DPP8: variants seen among roughly 807,000 people sequenced by gnomAD.
DPP8 encodes dipeptidyl peptidase 8.
DPP8 carries 31 observed loss-of-function variants against 107.5 expected under a neutral mutation model. That is an observed-to-expected ratio of 0.29 (90% CI 0.22 to 0.39). The LOEUF (loss-of-function observed/expected upper bound fraction) is 0.39. Among genes scored for constraint, DPP8 ranks in the 10% least tolerant of loss-of-function variants. DPP8 has a pLI of 1.00. For missense variants in DPP8, 842 were observed against 1,076.1 expected, an observed-to-expected ratio of 0.78 and a Z score of 3.04; for synonymous variants, 381 against 356.6, an observed-to-expected ratio of 1.07 and a Z score of -0.77.
At chr15:65,448,128 T>A (rs1187684233) in intron 19 of DPP8, among the ~76,000 whole-genome samples, 1 of 152,134 alleles carries the variant, frequency 6.6e-6, no homozygotes, top group Admixed American at 6.6e-5. Flanking sequence ...CCATTCCCTG[T>A]AGTCTCAGCT....
chr15:65,460,484 T>G (rs1169981937), intron 15 of DPP8, among the ~76,000 whole-genome samples: 1 of 151,980 alleles, frequency 6.6e-6, no homozygotes, highest in Non-Finnish European at 1.5e-5. Context: ...ACACTCCCCA[T>G]CCTCCTTCCA....
chr15:65,516,383 G>T (rs985800341), intron 1 of DPP8: 1 of 151,296 alleles, frequency 6.6e-6, no homozygotes, highest in South Asian at 2.1e-4. Flanking sequence ...ATTTAAATAG[G>T]TAACTTTTCT....
intron 12 of DPP8, among the ~76,000 whole-genome samples, chr15:65,472,397 G>A (rs753355736): frequency 1.3e-5 from 2 of 152,046 alleles, no homozygotes; most frequent in Admixed American, 6.6e-5. Context: ...GCACTCAAGC[G>A]ATTCTCCTGC....
chr15:65,486,526 C>T (rs772286295), intron 7 of DPP8, among the ~76,000 whole-genome samples: 1 of 152,084 alleles, frequency 6.6e-6, no homozygotes, highest in African/African-American at 2.4e-5. Flanking sequence ...TGCATTCCAG[C>T]CTGAATGACA....
chr15:65,487,823 A>G lies in DPP8; in HGVS notation c.827-5T>C, dbSNP rs2067591141. ...GAATTTTACCACCACTGGGAGCTTA[A>G]AAGAAATTTAAATATTGAAAATTTA... On this transcript the variant is annotated splice_region_variant and splice_polypyrimidine_tract_variant and intron_variant, in intron 6 of 19. Coordinates refer to ENST00000300141, the MANE Select transcript of DPP8 (RefSeq NM_130434.5). The G allele has an allele frequency of 1.3e-6, 2 of 1,508,522 alleles. No individual in the cohort carries two copies. Among genetic ancestry groups the G allele is most frequent in the African/African-American group, 2.8e-5 (2 of 71,314 alleles). The allele number at this position is 1,508,522 out of a possible 1,614,324, so 93.4% of individuals were successfully genotyped here.
intron 19 of DPP8, among the ~76,000 whole-genome samples, chr15:65,448,887 TATATATATATATATATATA>T (rs1259808293): frequency 1.6e-5 from 1 of 62,680 alleles, no homozygotes; most frequent in Non-Finnish European, 3.3e-5. Flanking sequence ...TATATATATA[TATATATATATATATATATA>T]TATATATATA....
intron 11 of DPP8, chr15:65,475,683 T>G: frequency 1.7e-6 from 1 of 593,658 alleles, no homozygotes; most frequent in East Asian, 3.7e-5. Context: ...TTTAATACAA[T>G]TGTTCTTCAT....
chr15:65,460,977 C>T (rs1187537554), intron 15 of DPP8, among the ~76,000 whole-genome samples: 1 of 152,216 alleles, frequency 6.6e-6, no homozygotes, highest in African/African-American at 2.4e-5. Flanking sequence ...AATTCCTCTA[C>T]ATCTTGTACA....
At position 65,485,119 on chromosome 15, in the gene DPP8, T is replaced by C. The variant is rs2067281269; in HGVS notation, c.997A>G (p.Met333Val). ...CTTACCCTTCCTTCAGCATCAATCA[T>C]TATTTCTGACATCTTAAAAGTGACT... is the stretch of plus-strand genomic sequence containing the variant. ...PKVTFKMSEI[M>V]IDAEGRIIDV... Residue 333 changes from methionine (M) to valine (V), a missense_variant, in exon 8 of 20, where the codon ATG becomes GTG. Physicochemically the swap from Met to Val is conservative, Grantham distance 21 (BLOSUM62 1). Around this residue, in one of 2 missense-constraint regions of DPP8, gnomAD observed 663 missense variants for 758.0 expected, o/e 0.87. Coordinates refer to ENST00000300141, the MANE Select transcript of DPP8 (RefSeq NM_130434.5). The C allele has an allele frequency of 1.2e-6, 2 of 1,610,432 alleles. No individual in the cohort carries two copies. The highest frequency in any genetic ancestry group is 4.5e-5 in the East Asian group (2 of 44,832).
At position 65,480,203 on chromosome 15, in the gene DPP8, T is replaced by A; in HGVS notation, c.1296+19A>T. ...CATTCTGAGAAAATATTTAAACAAA[T>A]ACAGGAAAAAATGCATACATTTATC... On this transcript the variant is annotated intron_variant, in intron 10 of 19. Coordinates refer to ENST00000300141, the MANE Select transcript of DPP8 (RefSeq NM_130434.5). The A allele has an allele frequency of 6.3e-7, 1 of 1,591,492 alleles. No individual in the cohort carries two copies. The highest frequency in any genetic ancestry group is 1.4e-5 in the African/African-American group (1 of 74,054).
At chr15:65,472,493 G>GT (rs2065977493) in intron 12 of DPP8, among the ~76,000 whole-genome samples, 1 of 151,446 alleles carries the variant, frequency 6.6e-6, no homozygotes. Context: ...CAGAGACAGG[G>GT]TCTTATATGT....
At chr15:65,485,054 A>AT in intron 8 of DPP8, 45 bp downstream of exon 8, 1 of 1,457,124 alleles carries the variant, frequency 6.9e-7, no homozygotes, top group South Asian at 1.1e-5. Flanking sequence ...GGCTGAATAG[A>AT]TTAGTCAAAT....
Position 65,485,121 on chromosome 15 carries a change from A to T in DPP8, c.995T>A (p.Ile332Lys). 1.2e-6 allele frequency: 2 copies of T among 1,610,762 alleles called. No individual in the cohort carries two copies. The highest frequency in any genetic ancestry group is 1.7e-6 in the Non-Finnish European group (2 of 1,176,926). ...NPKVTFKMSE[I>K]MIDAEGRIID... ...TACCCTTCCTTCAGCATCAATCATT[A>T]TTTCTGACATCTTAAAAGTGACTTT... The change falls in exon 8 of 20, where the codon ATA becomes AAA. Residue 332 changes from isoleucine to lysine, a missense_variant. Physicochemically the swap from Ile to Lys is moderately radical, Grantham distance 102 (BLOSUM62 -3). Around this residue, in one of 2 missense-constraint regions of DPP8, gnomAD observed 663 missense variants for 758.0 expected, o/e 0.87. Coordinates refer to ENST00000300141, the MANE Select transcript of DPP8 (RefSeq NM_130434.5).
Position 65,488,403 on chromosome 15 carries a change from C to T in DPP8, c.827-585G>A, listed in dbSNP as rs114910090. ...TCAGTATTTTTTAAAATACAACACA[C>T]AAACCACACCCTGGGCAACACGGCA... On this transcript the variant is annotated intron_variant, in intron 6 of 19. Coordinates refer to ENST00000300141, the MANE Select transcript of DPP8 (RefSeq NM_130434.5). 4.9e-3 allele frequency among the ~76,000 whole-genome samples: 745 copies of T among 151,672 alleles called. 4 individuals carry two copies. The highest frequency in any genetic ancestry group is 0.017 in the African/African-American group (720 of 41,390).
intron 8 of DPP8, 92 bp downstream of exon 8, chr15:65,485,007 G>T: frequency 9.9e-7 from 1 of 1,007,570 alleles, no homozygotes; most frequent in Non-Finnish European, 1.5e-6. Context: ...AGTTCAGCAA[G>T]TCCAAAAATA....
chr15:65,461,877 G>C (rs561279424), intron 15 of DPP8, among the ~76,000 whole-genome samples: 1 of 151,494 alleles, frequency 6.6e-6, no homozygotes, highest in Non-Finnish European at 1.5e-5. Flanking sequence ...GGGATTACAG[G>C]CTTGAGCCAT....
intron 3 of DPP8, 33 bp downstream of exon 3, chr15:65,507,210 C>A (rs1371929445): frequency 1.5e-6 from 2 of 1,320,344 alleles, no homozygotes; most frequent in Non-Finnish European, 2.1e-6. Context: ...AATACATACA[C>A]CAAATCATAG....
At chr15:65,465,126 AAC>A (rs2065229598) in intron 14 of DPP8, among the ~76,000 whole-genome samples, 1 of 152,010 alleles carries the variant, frequency 6.6e-6, no homozygotes, top group African/African-American at 2.4e-5. Flanking sequence ...TGGACATTAA[AAC>A]ACACTTATAT....
At chr15:65,457,851 T>C (rs779483303) in intron 15 of DPP8, among the ~76,000 whole-genome samples, 1 of 152,032 alleles carries the variant, frequency 6.6e-6, no homozygotes, top group Non-Finnish European at 1.5e-5. Flanking sequence ...TGGAGTGTGG[T>C]GGTACAATCA....
Sources: allele counts gnomAD v4.1 joint callset (sites outside exome capture counted in the v4.1 genomes callset), GRCh38; gene constraint gnomAD v4.1.1; regional missense constraint gnomAD v4.1.1; transcripts MANE v1.5; gene names NCBI Gene and HGNC (gene_info 2026-07-23, HGNC 2026-07-21).